The following CTTNBP2 variants were observed in gnomAD, a reference collection of about 807,000 sequenced individuals.
The protein encoded by CTTNBP2 is cortactin binding protein 2.
CTTNBP2 carries 108 observed loss-of-function variants against 156.9 expected under a neutral mutation model. The observed-to-expected ratio is 0.69, with a 90% confidence interval of 0.59 to 0.81. The LOEUF is 0.81. Ranked by LOEUF, CTTNBP2 falls within the 30% of genes least tolerant of loss-of-function variation. CTTNBP2 has a pLI of 0.00. For synonymous variants in CTTNBP2, 767 were observed against 751.8 expected, an observed-to-expected ratio of 1.02 and a Z score of -0.33; for missense variants, 1,924 against 2,035.4, an observed-to-expected ratio of 0.95 and a Z score of 1.05.
intron 8 of CTTNBP2, among the ~76,000 whole-genome samples, chr7:117,771,317 G>A (rs933245880): frequency 2.3e-4 from 35 of 152,228 alleles, no homozygotes; most frequent in African/African-American, 7.9e-4. Flanking sequence ...GAAAGAAAAT[G>A]AAAAAAGTTT....
intron 1 of CTTNBP2, among the ~76,000 whole-genome samples, chr7:117,870,816 T>C (rs527490925): frequency 6.6e-6 from 1 of 152,366 alleles, no homozygotes; most frequent in South Asian, 2.1e-4. Flanking sequence ...ACTATTAATA[T>C]GATCCTATTG....
chr7:117,788,853 A>G (rs1173342449), intron 4 of CTTNBP2, among the ~76,000 whole-genome samples: 3 of 152,344 alleles, frequency 2.0e-5, no homozygotes, highest in South Asian at 4.1e-4. Flanking sequence ...AATGACATAG[A>G]AACTGGTTAT....
chr7:117,752,604 A>G (rs1390008817), intron 12 of CTTNBP2, among the ~76,000 whole-genome samples: 1 of 152,190 alleles, frequency 6.6e-6, no homozygotes, highest in African/African-American at 2.4e-5. Flanking sequence ...TCTTCACTAC[A>G]TGTGGTTTTC....
Position 117,760,720 on chromosome 7 carries a change from G to T in CTTNBP2, c.2897-10C>A, listed in dbSNP as rs1296211578. On this transcript the variant is annotated splice_polypyrimidine_tract_variant and intron_variant, in intron 9 of 22. Transcript: ENST00000160373. ...GGTATTTTAAGAGCATCTGTTAGAA[G>T]AGTAAAAGAATTAGGAGTTAAAAAA... 1 of 1,581,494 alleles carries T rather than the reference G, an allele frequency of 6.3e-7. No homozygotes were observed. Among genetic ancestry groups the T allele is most frequent in the Non-Finnish European group, 8.6e-7 (1 of 1,157,690 alleles).
chr7:117,778,210 T>C (rs943050955), intron 7 of CTTNBP2, among the ~76,000 whole-genome samples: 3 of 152,172 alleles, frequency 2.0e-5, no homozygotes, highest in African/African-American at 7.2e-5. Flanking sequence ...GACCTAACTC[T>C]GTGATCTTAA....
At chr7:117,740,559 G>T (rs994856257) in intron 14 of CTTNBP2, among the ~76,000 whole-genome samples, 3 of 152,080 alleles carry the variant, frequency 2.0e-5, no homozygotes, top group Non-Finnish European at 2.9e-5. Context: ...CTTCAGTTGT[G>T]GTACTTACTA....
At chr7:117,858,150 C>G (rs959128890) in intron 2 of CTTNBP2, among the ~76,000 whole-genome samples, 3 of 152,224 alleles carry the variant, frequency 2.0e-5, no homozygotes, top group Non-Finnish European at 2.9e-5. Context: ...GCGGGCAGAT[C>G]ACGAGGTCAG....
intron 2 of CTTNBP2, among the ~76,000 whole-genome samples, chr7:117,840,484 G>A (rs1018098761): frequency 3.9e-5 from 6 of 152,090 alleles, no homozygotes; most frequent in Admixed American, 3.3e-4. Flanking sequence ...CCATGTTTGC[G>A]CCACTGCACT....
At chr7:117,828,198 T>C (rs1417780532) in intron 2 of CTTNBP2, among the ~76,000 whole-genome samples, 1 of 152,144 alleles carries the variant, frequency 6.6e-6, no homozygotes, top group Non-Finnish European at 1.5e-5. Flanking sequence ...TCCCCAGTCC[T>C]TGAGAGAAGG....
intron 22 of CTTNBP2, chr7:117,716,040 C>T (rs1335140472): frequency 6.6e-6 from 1 of 151,962 alleles, no homozygotes; most frequent in African/African-American, 2.4e-5. Flanking sequence ...GGGAAGAGTC[C>T]CTCCAAATAA....
chr7:117,759,374 A>C (rs371211307), intron 10 of CTTNBP2, among the ~76,000 whole-genome samples: 167 of 152,290 alleles, frequency 1.1e-3, no homozygotes, highest in African/African-American at 3.9e-3. Context: ...ATCCTCCCAA[A>C]GCACTTGGAT....
At chr7:117,832,002 G>A (rs1203151360) in intron 2 of CTTNBP2, among the ~76,000 whole-genome samples, 2 of 151,998 alleles carry the variant, frequency 1.3e-5, no homozygotes, top group Non-Finnish European at 1.5e-5. Flanking sequence ...TCAACTACCT[G>A]TTAAATAACT....
In CTTNBP2 at chr7:117,847,819, C is replaced by CTTTTTTTTTTTTTTT. The variant is rs201419286; in HGVS notation, c.189+13375_189+13389dup. On this transcript the variant is annotated intron_variant, in intron 2 of 22. Coordinates refer to ENST00000160373, the MANE Select transcript of CTTNBP2 (RefSeq NM_033427.3). ...TTTTTATAGATCTTCTTTGCCTAAC[C>CTTTTTTTTTTTTTTT]TTTTTTTTTTTTTTTTTTTTTTTTT... Among the ~76,000 whole-genome samples the CTTTTTTTTTTTTTTT allele has an allele frequency of 1.2e-4, 11 of 91,360 alleles. 2 individuals carry two copies. The highest frequency in any genetic ancestry group is 4.3e-4 in the African/African-American group (9 of 21,010). The allele number at this position is 91,360 out of a possible 152,430, so 59.9% of individuals were successfully genotyped here. A position where few individuals can be genotyped will look rare whatever the true frequency, so the allele number is the denominator to read the frequency against.
At chr7:117,870,370 A>G (rs913132392) in intron 1 of CTTNBP2, among the ~76,000 whole-genome samples, 1 of 152,242 alleles carries the variant, frequency 6.6e-6, no homozygotes, top group Admixed American at 6.5e-5. Context: ...CGCTTAGCGC[A>G]ATTGGCTACG....
chr7:117,760,737 G>A, intron 9 of CTTNBP2, 27 bp from the exon 10 acceptor site: 2 of 1,515,834 alleles, frequency 1.3e-6, no homozygotes, highest in Non-Finnish European at 1.8e-6. Context: ...AGAATTAGGA[G>A]TTAAAAAAAT....
chr7:117,754,461 C>T lies in CTTNBP2; in HGVS notation c.3348+2094G>A, dbSNP rs548934463. 8.5e-5 allele frequency among the ~76,000 whole-genome samples: 13 copies of T among 152,268 alleles called. No individual in the cohort carries two copies. The South Asian group carries it at 2.5e-3, about 29-fold the overall frequency. On this transcript the variant is annotated intron_variant, in intron 12 of 22. Transcript: ENST00000160373. The stretch of plus-strand genomic sequence containing the variant: ...CAGGCAATGTGTCTTATACATAGCT[C>T]TATCCTCAGTTTCTAAAACACCACC...
At chr7:117,763,026 T>G (rs549478222) in intron 9 of CTTNBP2, among the ~76,000 whole-genome samples, 1 of 152,358 alleles carries the variant, frequency 6.6e-6, no homozygotes, top group African/African-American at 2.4e-5. Flanking sequence ...TGAGGCAAAC[T>G]TGGCCACCAT....
chr7:117,754,539 C>A (rs73473663), intron 12 of CTTNBP2, among the ~76,000 whole-genome samples: 1,852 of 152,218 alleles, frequency 0.012, 36 homozygotes, highest in African/African-American at 0.042. Context: ...AATAACAGGA[C>A]ACAAAAATAC....
At chr7:117,714,035 C>G (rs969149804) in intron 22 of CTTNBP2, 5 of 152,166 alleles carry the variant, frequency 3.3e-5, no homozygotes, top group Non-Finnish European at 5.9e-5. Flanking sequence ...TTAACTACGT[C>G]CGAGGAAGCC....
Sources: gnomAD v4.1 joint callset for allele counts (sites outside exome capture counted in the v4.1 genomes callset) on GRCh38, gnomAD v4.1.1 for gene constraint, MANE v1.5 for transcripts, NCBI Gene and HGNC (gene_info 2026-07-23, HGNC 2026-07-21) for gene names.